Variants in TRPM3 observed in about 807,000 individuals in gnomAD.
TRPM3 encodes long transient receptor potential channel 3.
Under a neutral mutation model 181.2 loss-of-function variants are expected in TRPM3, and 77 were observed. That is an observed-to-expected ratio of 0.42 (90% CI 0.35 to 0.51). The LOEUF (loss-of-function observed/expected upper bound fraction) is 0.51. Among genes scored for constraint, TRPM3 ranks in the 20% least tolerant of loss-of-function variants. The probability of loss-of-function intolerance (pLI) is 0.01; values close to 1 mark genes in which losing one functional copy is unlikely to be tolerated. For synonymous variants in TRPM3, 745 were observed against 796.4 expected (o/e 0.94, Z 1.09); for missense variants, 1,759 against 2,196.7 (o/e 0.80, Z 3.98).
Position 70,536,428 on chromosome 9 carries a change from C to G in TRPM3, c.4685G>C (p.Cys1562Ser), listed in dbSNP as rs769122112. 5.0e-6 allele frequency: 8 copies of G among 1,614,188 alleles called. No individual in the cohort carries two copies. Among genetic ancestry groups the G allele is most frequent in the Non-Finnish European group, 6.8e-6 (8 of 1,180,032 alleles). Residue 1562 changes from cysteine (C) to serine (S), a missense_variant, in exon 26 of 26, where the codon TGT (cysteine) becomes TCT (serine). By Grantham distance (112) the Cys-to-Ser change is moderately radical. Transcript: ENST00000677713. ...KTAEYTSITD[C>S]IDTRCVNAPQ... Reference sequence around the variant, plus strand: ...GGCATTGACACACCTTGTGTCAATACAGTCTGTAATACTTGTGTATTCTGC... The same window carrying G: ...GGCATTGACACACCTTGTGTCAATAGAGTCTGTAATACTTGTGTATTCTGC...
At chr9:70,612,497 C>T (rs867330784) in intron 18 of TRPM3, among the ~76,000 whole-genome samples, 1 of 152,198 alleles carries the variant, frequency 6.6e-6, no homozygotes, top group African/African-American at 2.4e-5. Flanking sequence ...TTAGTTTCAA[C>T]TACTTGGTTC....
chr9:71,390,723 G>T (rs2093042371), intron 1 of TRPM3, among the ~76,000 whole-genome samples: 1 of 151,990 alleles, frequency 6.6e-6, no homozygotes, highest in Admixed American at 6.6e-5. Flanking sequence ...CAGATACTAT[G>T]CTTGGTTCTG....
intron 1 of TRPM3, among the ~76,000 whole-genome samples, chr9:71,346,614 T>C (rs1329547177): frequency 6.6e-6 from 1 of 152,236 alleles, no homozygotes; most frequent in Middle Eastern, 3.4e-3. Context: ...AGAGGTTCCA[T>C]TGGCCAAGAG....
chr9:70,986,711 C>T (rs2097425475), intron 1 of TRPM3, among the ~76,000 whole-genome samples: 1 of 151,912 alleles, frequency 6.6e-6, no homozygotes, highest in Non-Finnish European at 1.5e-5. Flanking sequence ...TTGTGATTTC[C>T]CCAAAATATA....
Position 71,247,277 on chromosome 9 carries a change from C to G in TRPM3, c.183+199376G>C, listed in dbSNP as rs144567186. 5.8e-3 allele frequency among the ~76,000 whole-genome samples: 829 copies of G among 143,058 alleles called. 13 individuals carry two copies. The highest frequency in any genetic ancestry group is 0.021 in the African/African-American group (802 of 37,802). 93.9% of individuals were successfully genotyped at this position (143,058 alleles called of 152,430 possible). On this transcript the variant is annotated intron_variant, in intron 1 of 24. Transcript: ENST00000357533. ...ATTGAGGCAGGAGAATCGCTTGAAC[C>G]TGGGAGGTGGGGGTTGCAGTAAGCC...
chr9:71,223,022 C>A (rs372852505), intron 1 of TRPM3, among the ~76,000 whole-genome samples: 2 of 152,122 alleles, frequency 1.3e-5, no homozygotes, highest in African/African-American at 4.8e-5. Context: ...GGGCTCAGAG[C>A]CAGTGGACTT....
At chr9:71,228,819 G>C (rs2080863500) in intron 1 of TRPM3, among the ~76,000 whole-genome samples, 1 of 152,046 alleles carries the variant, frequency 6.6e-6, no homozygotes, top group South Asian at 2.1e-4. Context: ...AATTGAAGAA[G>C]ATACAAAAAT....
chr9:70,991,668 C>T (rs111770494), intron 1 of TRPM3, among the ~76,000 whole-genome samples: 1 of 144,034 alleles, frequency 6.9e-6, no homozygotes, highest in African/African-American at 2.5e-5. Context: ...ATTTCTAAAA[C>T]AAAGTCCACC....
At chr9:70,761,346 C>A in intron 8 of TRPM3, 1 of 629,996 alleles carries the variant, frequency 1.6e-6, no homozygotes, top group Admixed American at 2.7e-5. Flanking sequence ...TTTGTTGAGG[C>A]AGTCAGAGCG....
At chr9:71,049,969 T>C (rs1411395987) in intron 1 of TRPM3, among the ~76,000 whole-genome samples, 1 of 152,182 alleles carries the variant, frequency 6.6e-6, no homozygotes, top group Non-Finnish European at 1.5e-5. Flanking sequence ...TAAAAACTTG[T>C]TGAGAGGGTA....
At chr9:71,011,948 T>G (rs1425376360) in intron 1 of TRPM3, among the ~76,000 whole-genome samples, 1 of 151,530 alleles carries the variant, frequency 6.6e-6, no homozygotes, top group Non-Finnish European at 1.5e-5. Flanking sequence ...GCCTGGCTAA[T>G]TTTTTTATAT....
intron 7 of TRPM3, 69 bp downstream of exon 7, chr9:70,784,036 T>C: frequency 2.6e-6 from 4 of 1,534,414 alleles, no homozygotes; most frequent in Non-Finnish European, 3.5e-6. Context: ...ACTGAAAACA[T>C]AATCCACTCA....
At chr9:71,331,748 G>GAGA (rs2090145669) in intron 1 of TRPM3, among the ~76,000 whole-genome samples, 4 of 100,980 alleles carry the variant, frequency 4.0e-5, no homozygotes, top group African/African-American at 1.7e-4. Flanking sequence ...GGAGGAGGAG[G>GAGA]AAAAGGGGGA....
At chr9:70,954,796 G>C (rs2097048269) in intron 1 of TRPM3, among the ~76,000 whole-genome samples, 1 of 148,748 alleles carries the variant, frequency 6.7e-6, no homozygotes, top group Non-Finnish European at 1.5e-5. Context: ...CATCCTCGGG[G>C]AGAAGGCCGG....
intron 1 of TRPM3, among the ~76,000 whole-genome samples, chr9:70,980,508 G>C (rs2097353983): frequency 6.6e-6 from 1 of 152,130 alleles, no homozygotes; most frequent in Non-Finnish European, 1.5e-5. Context: ...TCTGTGTGTA[G>C]GTGTTCATTT....
chr9:70,856,367 G>A (rs575714660), intron 3 of TRPM3, among the ~76,000 whole-genome samples: 3 of 152,260 alleles, frequency 2.0e-5, no homozygotes, highest in South Asian at 2.1e-4. Flanking sequence ...ACCTTACCGT[G>A]TATGTAAAGC....
At chr9:70,548,436 G>A (rs2045610128) in intron 25 of TRPM3, among the ~76,000 whole-genome samples, 1 of 152,104 alleles carries the variant, frequency 6.6e-6, no homozygotes, top group South Asian at 2.1e-4. Context: ...AAAGGGCCAG[G>A]GACAAAATAT....
intron 1 of TRPM3, among the ~76,000 whole-genome samples, chr9:71,180,444 C>T (rs1213493229): frequency 6.6e-6 from 1 of 152,050 alleles, no homozygotes; most frequent in African/African-American, 2.4e-5. Context: ...GATATAATTC[C>T]CTAAGAATCC....
chr9:71,405,131 C>A (rs536293831), intron 1 of TRPM3, among the ~76,000 whole-genome samples: 1 of 152,142 alleles, frequency 6.6e-6, no homozygotes, highest in East Asian at 1.9e-4. Context: ...TTGCCTCATA[C>A]GAATTATCAG....
Sources: gnomAD v4.1 joint callset for allele counts (sites outside exome capture counted in the v4.1 genomes callset) on GRCh38, gnomAD v4.1.1 for gene constraint, MANE v1.5 for transcripts, NCBI Gene and HGNC (gene_info 2026-07-23, HGNC 2026-07-21) for gene names.